Variants in GSG1L observed in about 807,000 individuals in gnomAD.
GSG1L encodes germ cell-specific gene 1-like protein.
GSG1L carries 24 observed loss-of-function variants against 42.1 expected under a neutral mutation model. The observed-to-expected ratio is 0.57, with a 90% CI of 0.41 to 0.80. The LOEUF (loss-of-function observed/expected upper bound fraction) is 0.80, where lower values mean the gene tolerates loss of function less well. Ranked by LOEUF, GSG1L falls within the 30% of genes least tolerant of loss-of-function variation. GSG1L has a pLI of 0.00. For synonymous variants in GSG1L, 215 were observed against 203.5 expected (o/e 1.06, Z -0.48); for missense variants, 445 against 472.2 (o/e 0.94, Z 0.53).
At chr16:27,839,835 TC>T (rs201125557) in intron 4 of GSG1L, among the ~76,000 whole-genome samples, 1,790 of 152,300 alleles carry the variant, frequency 0.012, 34 homozygotes, top group African/African-American at 0.041. Flanking sequence ...TAAGAAATCA[TC>T]CGCAGGCTGG....
At chr16:28,029,054 G>C (rs1005006835) in intron 1 of GSG1L, among the ~76,000 whole-genome samples, 3 of 152,180 alleles carry the variant, frequency 2.0e-5, no homozygotes, top group African/African-American at 7.2e-5. Context: ...GCCTAACACG[G>C]GATCAGGAGC....
chr16:27,846,552 C>T (rs187882266), intron 3 of GSG1L, among the ~76,000 whole-genome samples: 427 of 152,106 alleles, frequency 2.8e-3, no homozygotes, highest in Non-Finnish European at 4.6e-3. Context: ...TCTATTTATC[C>T]CCAAATACGA....
intron 3 of GSG1L, among the ~76,000 whole-genome samples, chr16:27,858,550 G>T (rs1263004968): frequency 1.3e-5 from 2 of 152,156 alleles, no homozygotes; most frequent in African/African-American, 4.8e-5. Context: ...TGGATGATAG[G>T]CTGTCTTCAT....
At chr16:27,936,425 A>G (rs2084718852) in intron 2 of GSG1L, among the ~76,000 whole-genome samples, 1 of 152,044 alleles carries the variant, frequency 6.6e-6, no homozygotes, top group Non-Finnish European at 1.5e-5. Flanking sequence ...TTTCTGCAGG[A>G]GCTGGTTGTT....
At chr16:27,944,349 T>G (rs1267261853) in intron 2 of GSG1L, among the ~76,000 whole-genome samples, 1 of 152,048 alleles carries the variant, frequency 6.6e-6, no homozygotes, top group Admixed American at 6.5e-5. Flanking sequence ...GGGCCGGGTG[T>G]GGTGGCTTAC....
In GSG1L at chr16:27,793,643, A is replaced by AT. The variant is rs531184041; in HGVS notation, c.899-2177dup. 2.6e-3 allele frequency among the ~76,000 whole-genome samples: 392 copies of AT among 152,292 alleles called. 2 individuals are homozygous for AT. Among genetic ancestry groups the AT allele is most frequent in the Non-Finnish European group, 4.4e-3 (297 of 68,020 alleles). On this transcript the variant is annotated intron_variant, in intron 6 of 6. Coordinates refer to ENST00000447459, the MANE Select transcript of GSG1L (RefSeq NM_001109763.2). ...CAGAACAGAAAGAAAGTGATAGTGT[A>AT]TTTTTTAAGGAAAAGGAAAGGCCAC... is the stretch of plus-strand genomic sequence containing the variant.
At chr16:27,888,500 T>TCCG (rs2084074744) in intron 2 of GSG1L, among the ~76,000 whole-genome samples, 4 of 7,842 alleles carry the variant, frequency 5.1e-4, no homozygotes, top group Admixed American at 2.4e-3. Context: ...TCTTTCTTTC[T>TCCG]TTCTTTCTTT....
chr16:28,013,677 T>C (rs2085749788), intron 1 of GSG1L, among the ~76,000 whole-genome samples: 1 of 152,192 alleles, frequency 6.6e-6, no homozygotes, highest in Non-Finnish European at 1.5e-5. Context: ...CTCTCAGCAT[T>C]TCATCTCCCA....
chr16:28,001,380 T>C (rs1276658815), intron 1 of GSG1L, among the ~76,000 whole-genome samples: 4 of 152,198 alleles, frequency 2.6e-5, no homozygotes, highest in Non-Finnish European at 5.9e-5. Flanking sequence ...TGGAAGTGTA[T>C]GCGTGAGTAT....
chr16:27,931,466 G>A (rs1324856300), intron 2 of GSG1L, among the ~76,000 whole-genome samples: 1 of 152,202 alleles, frequency 6.6e-6, no homozygotes, highest in Non-Finnish European at 1.5e-5. Context: ...AAGAGCCCTT[G>A]AAGAGATACT....
intron 1 of GSG1L, among the ~76,000 whole-genome samples, chr16:27,973,386 G>A (rs1318716648): frequency 1.5e-5 from 2 of 135,804 alleles, no homozygotes; most frequent in African/African-American, 5.6e-5. Flanking sequence ...GGAGGTTGCA[G>A]TGAGCTGAGA....
chr16:27,878,245 T>C (rs1195915453), intron 3 of GSG1L, among the ~76,000 whole-genome samples: 1 of 152,110 alleles, frequency 6.6e-6, no homozygotes, highest in Non-Finnish European at 1.5e-5. Flanking sequence ...GACTGGGTAA[T>C]TTATAAAGAA....
chr16:28,000,840 T>C (rs2085571956), intron 1 of GSG1L, among the ~76,000 whole-genome samples: 1 of 152,118 alleles, frequency 6.6e-6, no homozygotes, highest in African/African-American at 2.4e-5. Context: ...TTTAAAATTG[T>C]AATAAAAAAT....
intron 1 of GSG1L, among the ~76,000 whole-genome samples, chr16:27,996,246 A>G (rs1012949772): frequency 3.9e-5 from 6 of 152,106 alleles, no homozygotes; most frequent in Non-Finnish European, 7.3e-5. Flanking sequence ...GGAACCTCCA[A>G]TTGCCTTTAG....
intron 1 of GSG1L, among the ~76,000 whole-genome samples, chr16:28,061,622 G>A (rs1170698378): frequency 2.6e-5 from 4 of 152,208 alleles, no homozygotes; most frequent in Non-Finnish European, 5.9e-5. Flanking sequence ...AAGACCAACC[G>A]GGCTGGCCCT....
rs1386753180 is a variant in GSG1L at position 27,881,769 on chromosome 16, C to A, written c.550+2717G>T. Among the ~76,000 whole-genome samples the A allele has an allele frequency of 3.3e-5, 5 of 152,100 alleles. No homozygotes were observed. The East Asian group carries it at 7.7e-4, about 23-fold the overall frequency. On this transcript the variant is annotated intron_variant, in intron 3 of 6. Coordinates refer to ENST00000447459, the MANE Select transcript of GSG1L (RefSeq NM_001109763.2). ...AATTCTGTGCACTCCAAGCTAGAAA[C>A]CCTTCACCTTGACTCTATTTTCCCC...
chr16:27,983,232 G>T (rs1269204999), intron 1 of GSG1L, among the ~76,000 whole-genome samples: 1 of 152,098 alleles, frequency 6.6e-6, no homozygotes, highest in Non-Finnish European at 1.5e-5. Flanking sequence ...CTACTCAGGA[G>T]ACTAAGGAAG....
At chr16:27,897,074 G>C (rs1463634946) in intron 2 of GSG1L, among the ~76,000 whole-genome samples, 1 of 152,182 alleles carries the variant, frequency 6.6e-6, no homozygotes, top group South Asian at 2.1e-4. Context: ...ATTTTGGCCA[G>C]GTTGGTCTCA....
At chr16:27,957,465 T>G (rs2141101740) in intron 2 of GSG1L, among the ~76,000 whole-genome samples, 1 of 152,366 alleles carries the variant, frequency 6.6e-6, no homozygotes, top group South Asian at 2.1e-4. Flanking sequence ...CCTGGCACAA[T>G]CTACTGTGCA....
Sources: gnomAD v4.1 joint callset for allele counts (sites outside exome capture counted in the v4.1 genomes callset) on GRCh38, gnomAD v4.1.1 for gene constraint, MANE v1.5 for transcripts, NCBI Gene and HGNC (gene_info 2026-07-23, HGNC 2026-07-21) for gene names.